Variants in MAMDC4 observed in about 807,000 individuals in gnomAD.
The protein encoded by MAMDC4 is MAM domain containing 4.
Under a neutral mutation model 153.3 loss-of-function variants are expected in MAMDC4, and 168 were observed. The observed-to-expected ratio is 1.10, with a 90% CI of 0.97 to 1.25. The LOEUF (loss-of-function observed/expected upper bound fraction) is 1.25. Among genes scored for constraint, MAMDC4 ranks in the 50% most tolerant of loss-of-function variants. The pLI is 0.00. For missense variants in MAMDC4, 1,701 were observed against 1,542.8 expected (o/e 1.10, Z -1.72); for synonymous variants, 744 against 651.5 (o/e 1.14, Z -2.16).
chr9:136,852,347 G>C lies in MAMDC4; in HGVS notation c.-70G>C, dbSNP rs369780575. The C allele has an allele frequency of 7.6e-6, 12 of 1,573,356 alleles. No individual in the cohort carries two copies. Among genetic ancestry groups the C allele is most frequent in the East Asian group, 2.2e-5 (1 of 44,766 alleles). ...ACAGCAGAGTCAGCGTGCGGGGCCAGCGCAGGCTGATAACCGCACGGAACT... is the reference window on the plus strand; with the variant it reads ...ACAGCAGAGTCAGCGTGCGGGGCCACCGCAGGCTGATAACCGCACGGAACT... On this transcript the variant is annotated 5_prime_UTR_variant, in exon 1 of 27. Transcript: ENST00000317446.
rs377119964 is a variant in MAMDC4, at chr9:136,855,230, C to A, written c.1198-24C>A. ...ACCCCAGGGGGAAATAGGCTGGGCA[C>A]CCCCTGAGCCCCTCTGCCCTCAGAT... is the stretch of plus-strand genomic sequence containing the variant. On this transcript the variant is annotated intron_variant, in intron 10 of 26. Transcript: ENST00000317446. 1.3e-4 allele frequency: 200 copies of A among 1,577,404 alleles called. 1 individual carries two copies. The highest frequency in any genetic ancestry group is 1.7e-4 in the Non-Finnish European group (193 of 1,162,928).
At position 136,856,846 on chromosome 9, in the gene MAMDC4, C is replaced by T. The variant is rs768537666; in HGVS notation, c.1837+20C>T. 157 of 1,612,380 alleles carry T rather than the reference C, an allele frequency of 9.7e-5. No individual in the cohort carries two copies. Among genetic ancestry groups the T allele is most frequent in the Non-Finnish European group, 1.0e-4 (123 of 1,179,792 alleles). ...GCCAAGGTAGGATGGGCGCTCAGAC[C>T]GGGGGTGGCTTTCAGACGAGAGTGG... is the stretch of plus-strand genomic sequence containing the variant. On this transcript the variant is annotated intron_variant, in intron 15 of 26. Coordinates refer to ENST00000317446, the MANE Select transcript of MAMDC4 (RefSeq NM_206920.3).
rs1848977517 is a variant in MAMDC4 at position 136,854,696 on chromosome 9, C to CGGCCCA, written c.934+26_934+31dup. The CGGCCCA allele has an allele frequency of 8.1e-6, 13 of 1,611,088 alleles. No homozygotes were observed. The South Asian group carries it at 1.2e-4, about 15-fold the overall frequency. On this transcript the variant is annotated intron_variant, in intron 8 of 26. Coordinates refer to ENST00000317446, the MANE Select transcript of MAMDC4 (RefSeq NM_206920.3). ...CACAGGGTGAGGCCCACAGAGGACCCGGCCCAGGCCCTGCCCACGCAGCCA... is the reference window on the plus strand; with the variant it reads ...CACAGGGTGAGGCCCACAGAGGACCCGGCCCAGGCCCAGGCCCTGCCCACGCAGCCA...
In MAMDC4 at chr9:136,855,729, CAGGCACCACAGACTTTGAGTCCCCCG is replaced by C. The variant is rs1752397499; in HGVS notation, c.1474_1499del (p.Thr492TrpfsTer45). On this transcript the variant is annotated splice_acceptor_variant and coding_sequence_variant, in exon 13 of 27. Transcript: ENST00000317446. LOFTEE classifies it high-confidence loss of function. ...TGCCATTCAGTGCCGGCTGCTGTTC[CAGGCACCACAGACTTTGAGTCCCCCG>C]AGGCTGGGGGCTGGGAGGACGCCAG... The C allele has an allele frequency of 1.3e-6, 2 of 1,575,654 alleles. No homozygotes were observed. Among genetic ancestry groups the C allele is most frequent in the Non-Finnish European group, 1.7e-6 (2 of 1,161,808 alleles).
chr9:136,859,418 G>T (rs1157903092), intron 25 of MAMDC4, 101 bp downstream of exon 25: 71 of 1,059,536 alleles, frequency 6.7e-5, no homozygotes, highest in South Asian at 5.1e-4. Context: ...GGAGCTGCGA[G>T]CATGCTGCAC....
intron 19 of MAMDC4, 36 bp downstream of exon 19, chr9:136,857,832 G>C: frequency 6.2e-7 from 1 of 1,600,260 alleles, no homozygotes; most frequent in Non-Finnish European, 8.5e-7. Flanking sequence ...AGTGGGCTCA[G>C]GGAAGCTTGG....
intron 1 of MAMDC4, 47 bp from the exon 2 acceptor site, chr9:136,853,055 G>A (rs1468518827): frequency 1.3e-6 from 2 of 1,533,062 alleles, no homozygotes; most frequent in South Asian, 1.1e-5. Context: ...GGCTGGGATG[G>A]CTGGTCACCC....
chr9:136,855,996 G>A (rs200547086), intron 13 of MAMDC4, 22 bp from the exon 14 acceptor site: 1 of 1,602,062 alleles, frequency 6.2e-7, no homozygotes, highest in African/African-American at 1.3e-5. Flanking sequence ...ATGAGGCTCT[G>A]AGCACCATGC....
At chr9:136,860,247 CG>C (rs1281366175) in intron 26 of MAMDC4, among the ~76,000 whole-genome samples, 183 bp downstream of exon 26, 1 of 152,140 alleles carries the variant, frequency 6.6e-6, no homozygotes, top group Non-Finnish European at 1.5e-5. Flanking sequence ...TGGCCGGGCG[CG>C]GTGGCTCACA....
chr9:136,854,911 C>T (rs1848980951), intron 9 of MAMDC4, 26 bp from the exon 10 acceptor site: 7 of 1,612,378 alleles, frequency 4.3e-6, no homozygotes, highest in Non-Finnish European at 5.9e-6. Context: ...CCGGTGCAGG[C>T]CCCCAGCCAG....
In MAMDC4 at chr9:136,855,336, C is replaced by T. The variant is rs145077934; in HGVS notation, c.1280C>T (p.Ser427Leu). The stretch of plus-strand genomic sequence containing the variant: ...CTGTCTGACCACTGCAGACCAGTCT[C>T]GGGTGAGCCTGCTGACTCTGCCCTA... ...LILSDHCRPV[S>L]EVSTLQPLPP... Residue 427 changes from serine (S) to leucine (L), a missense_variant and splice_region_variant, in exon 11 of 27, where the codon TCG becomes TTG. Coordinates refer to ENST00000317446, the MANE Select transcript of MAMDC4 (RefSeq NM_206920.3). The T allele has an allele frequency of 8.5e-3, 13,703 of 1,604,520 alleles. 79 individuals are homozygous for T. Among genetic ancestry groups the T allele is most frequent in the Non-Finnish European group, 0.01 (12,222 of 1,175,072 alleles).
chr9:136,855,421 GC>G lies in MAMDC4; in HGVS notation c.1283-5del, dbSNP rs756370063. 10 of 1,607,250 alleles carry G rather than the reference GC, an allele frequency of 6.2e-6. No individual in the cohort carries two copies. Among genetic ancestry groups the G allele is most frequent in the South Asian group, 2.2e-5 (2 of 90,538 alleles). On this transcript the variant is annotated splice_polypyrimidine_tract_variant and intron_variant, in intron 11 of 26. Coordinates refer to ENST00000317446, the MANE Select transcript of MAMDC4 (RefSeq NM_206920.3). ...ATCCCTGCCTCCTGACACCAGTTCT[GC>G]CCCCACAGAGGTGTCCACCCTGCAG...
intron 23 of MAMDC4, 55 bp downstream of exon 23, chr9:136,858,908 G>A (rs1849047266): frequency 7.7e-6 from 12 of 1,568,112 alleles, no homozygotes; most frequent in Non-Finnish European, 9.5e-6. Flanking sequence ...AGGGGTCCAG[G>A]AGCAGAGGTG....
rs937072681 is a variant in MAMDC4 at position 136,853,097 on chromosome 9, A to T, written c.47-5A>T. The T allele has an allele frequency of 3.1e-6, 5 of 1,611,848 alleles. No individual in the cohort carries two copies. The South Asian group carries it at 3.3e-5, about 11-fold the overall frequency. On this transcript the variant is annotated splice_polypyrimidine_tract_variant and splice_region_variant and intron_variant, in intron 1 of 26. Coordinates refer to ENST00000317446, the MANE Select transcript of MAMDC4 (RefSeq NM_206920.3). Reference sequence around the variant, plus strand: ...CAGGCCACCTGGCTGTCAACCTCCCAGCAGCAGGGTCCTCAGGCTGGGCCT... The same window carrying T: ...CAGGCCACCTGGCTGTCAACCTCCCTGCAGCAGGGTCCTCAGGCTGGGCCT...
rs1588393458 is a variant in MAMDC4 at position 136,857,012 on chromosome 9, T to A, written c.1943T>A (p.Phe648Tyr). The change falls in exon 16 of 27, where the codon TTC becomes TAC. Residue 648 changes from phenylalanine to tyrosine, a missense_variant. Transcript: ENST00000317446. ...GCAGCACCCACGGAGTGTCTCAGCT[T>A]CTGGTACCACCTCCATGGGCCCCAG... ...VPAAPTECLS[F>Y]WYHLHGPQIG... 6 of 1,612,168 alleles carry A rather than the reference T, an allele frequency of 3.7e-6. No individual in the cohort carries two copies. The highest frequency in any genetic ancestry group is 4.2e-6 in the Non-Finnish European group (5 of 1,179,598).
Position 136,859,277 on chromosome 9 carries a change from T to C in MAMDC4, c.3153T>C (p.Tyr1051=). The C allele has an allele frequency of 1.2e-6, 2 of 1,611,916 alleles. No individual in the cohort carries two copies. Among genetic ancestry groups the C allele is most frequent in the Non-Finnish European group, 1.7e-6 (2 of 1,179,436 alleles). ...CCATTGCCCTGGATGACGTGGAGTA[T>C]CTGGCTGGGCAGCATTGCCAGCAGC... ...LGPIALDDVE[Y]LAGQHCQQPA... The change falls in exon 25 of 27, where the codon TAT becomes TAC. Residue 1051 remains tyrosine (Y), a synonymous_variant. Transcript: ENST00000317446.
chr9:136,855,355 T>C lies in MAMDC4; in HGVS notation c.1282+17T>C. The stretch of plus-strand genomic sequence containing the variant: ...CAGTCTCGGGTGAGCCTGCTGACTC[T>C]GCCCTACCCTGCCTTGCCCTGGAGA... On this transcript the variant is annotated intron_variant, in intron 11 of 26. Transcript: ENST00000317446. The C allele has an allele frequency of 1.3e-6, 2 of 1,599,808 alleles. No individual in the cohort carries two copies. The highest frequency in any genetic ancestry group is 1.7e-5 in the Admixed American group (1 of 58,864).
At chr9:136,859,374 C>G (rs369840736) in intron 25 of MAMDC4, 57 bp downstream of exon 25, 1 of 1,483,828 alleles carries the variant, frequency 6.7e-7, no homozygotes, top group Non-Finnish European at 9.1e-7. Flanking sequence ...CAGCCTGGCT[C>G]GGGGTTTGCC....
chr9:136,857,038 A>G lies in MAMDC4; in HGVS notation c.1969A>G (p.Ile657Val). Residue 657 changes from isoleucine to valine, a missense_variant, in exon 16 of 27, where the codon ATT (isoleucine) becomes GTT (valine). By Grantham distance (29) the Ile-to-Val change is conservative (BLOSUM62 3). Transcript: ENST00000317446. ...CTGGTACCACCTCCATGGGCCCCAG[A>G]TTGGTGAGTGGACCTGGAAACAGGG... is the stretch of plus-strand genomic sequence containing the variant. ...SFWYHLHGPQIGTLRLAMRRE... is the reference protein window; with the variant it reads ...SFWYHLHGPQVGTLRLAMRRE... The G allele has an allele frequency of 6.2e-7, 1 of 1,610,738 alleles. No homozygotes were observed. The highest frequency in any genetic ancestry group is 8.5e-7 in the Non-Finnish European group (1 of 1,178,660).
Sources: gnomAD v4.1 joint callset for allele counts (sites outside exome capture counted in the v4.1 genomes callset) on GRCh38, gnomAD v4.1.1 for gene constraint, MANE v1.5 for transcripts, NCBI Gene and HGNC (gene_info 2026-07-23, HGNC 2026-07-21) for gene names.